SCTR: variants seen among roughly 807,000 people sequenced by gnomAD.
The protein encoded by SCTR is secretin receptor.
In SCTR, 56 loss-of-function variants were observed where a neutral mutation model predicts 60.8. The ratio of observed to expected loss-of-function variants is 0.92; its 90% CI spans 0.74 to 1.15. The LOEUF is 1.15. Ranked by LOEUF, SCTR falls within the 50% of genes most tolerant of loss-of-function variation. SCTR has a pLI of 0.00. For synonymous variants in SCTR, 202 were observed against 217.0 expected (o/e 0.93, Z 0.61); for missense variants, 562 against 550.4 (o/e 1.02, Z -0.21).
intron 6 of SCTR, among the ~76,000 whole-genome samples, 183 bp from the exon 7 acceptor site, chr2:119,462,183 T>C (rs1683638880): frequency 2.6e-5 from 4 of 151,912 alleles, no homozygotes; most frequent in Admixed American, 2.6e-4. Context: ...CTCTAGAGAG[T>C]AGGAGTCCAC....
intron 3 of SCTR, among the ~76,000 whole-genome samples, chr2:119,475,478 A>G (rs1309369868): frequency 6.6e-6 from 1 of 151,528 alleles, no homozygotes; most frequent in Non-Finnish European, 1.5e-5. Flanking sequence ...CCTGCCTTCC[A>G]CTCTGTAGAG....
chr2:119,483,407 G>T (rs1677719993), intron 2 of SCTR, among the ~76,000 whole-genome samples: 1 of 152,164 alleles, frequency 6.6e-6, no homozygotes, highest in African/African-American at 2.4e-5. Context: ...CCCAGCCTGG[G>T]ACAGGCTGCC....
At chr2:119,455,590 G>A (rs971280671) in intron 7 of SCTR, among the ~76,000 whole-genome samples, 1 of 152,158 alleles carries the variant, frequency 6.6e-6, no homozygotes, top group South Asian at 2.1e-4. Flanking sequence ...CAAGAAAGGG[G>A]GCTTAGGAAC....
rs147763494 is a variant in SCTR at position 119,510,774 on chromosome 2, T to C, written c.72+13381A>G. Among the ~76,000 whole-genome samples, 1,114 of 151,822 alleles carry C rather than the reference T, an allele frequency of 7.3e-3. 11 individuals carry two copies. Among genetic ancestry groups the C allele is most frequent in the Middle Eastern group, 0.034 (10 of 294 alleles). On this transcript the variant is annotated intron_variant, in intron 1 of 12. Coordinates refer to ENST00000019103, the MANE Select transcript of SCTR (RefSeq NM_002980.3). ...GTATAACCACACTGAGCCTTTTTTT[T>C]AAATTTGTACTAGTACCAAAGAGTA...
chr2:119,517,045 C>CCACACACA (rs58865201), intron 1 of SCTR, among the ~76,000 whole-genome samples: 4 of 151,342 alleles, frequency 2.6e-5, no homozygotes, highest in African/African-American at 9.7e-5. Flanking sequence ...GGTGCTCTTA[C>CCACACACA]CACACACACA....
intron 1 of SCTR, among the ~76,000 whole-genome samples, chr2:119,504,344 G>A (rs1678659432): frequency 6.6e-6 from 1 of 152,196 alleles, no homozygotes; most frequent in Non-Finnish European, 1.5e-5. Context: ...TGTAATCTCA[G>A]CACTTTGGGA....
chr2:119,450,952 G>A (rs1262004636), intron 9 of SCTR, among the ~76,000 whole-genome samples: 1 of 152,250 alleles, frequency 6.6e-6, no homozygotes, highest in East Asian at 1.9e-4. Flanking sequence ...GACAGAGTGA[G>A]ACCCTGTCTC....
intron 9 of SCTR, among the ~76,000 whole-genome samples, chr2:119,451,257 A>G (rs1251609103): frequency 6.6e-6 from 1 of 152,110 alleles, no homozygotes; most frequent in Non-Finnish European, 1.5e-5. Flanking sequence ...CATCCATGAG[A>G]TGATTCCTGT....
rs368345483 is a variant in SCTR, at chr2:119,516,750, G to A, written c.72+7405C>T. 1.3e-4 allele frequency among the ~76,000 whole-genome samples: 20 copies of A among 152,164 alleles called. No individual in the cohort carries two copies. The East Asian group carries it at 2.7e-3, about 21-fold the overall frequency. On this transcript the variant is annotated intron_variant, in intron 1 of 12. Transcript: ENST00000019103. ...TGAGGTGGGCTGATCACCTGAGGTC[G>A]GAAGTTCAAGACCAGCCTGGCCAAC...
chr2:119,523,631 G>A (rs952540566), intron 1 of SCTR, among the ~76,000 whole-genome samples: 2 of 151,940 alleles, frequency 1.3e-5, no homozygotes, highest in African/African-American at 4.8e-5. Flanking sequence ...GCCCGTGAGT[G>A]TGAAAATGTC....
chr2:119,502,132 C>A (rs76320231), intron 1 of SCTR, among the ~76,000 whole-genome samples: 2 of 151,928 alleles, frequency 1.3e-5, no homozygotes, highest in African/African-American at 2.4e-5. Flanking sequence ...GTCATGAGCC[C>A]GTAGTCCCAG....
chr2:119,495,092 A>G (rs867087994), intron 1 of SCTR, among the ~76,000 whole-genome samples: 30 of 151,036 alleles, frequency 2.0e-4, no homozygotes, highest in South Asian at 6.3e-4. Context: ...GGCATGTGCC[A>G]CCATGCCTGG....
chr2:119,483,087 C>T (rs1166811384), intron 2 of SCTR, among the ~76,000 whole-genome samples: 2 of 152,244 alleles, frequency 1.3e-5, no homozygotes, highest in African/African-American at 4.8e-5. Flanking sequence ...AGGCTCCAGG[C>T]CATGAGGCTG....
chr2:119,444,488 TAC>T lies in SCTR; in HGVS notation c.1140+2269_1140+2270del, dbSNP rs1242729440. Reference sequence around the variant, plus strand: ...ACACATATATACGTACGTATATATATACACATATATACGTACGTATATATATA... The same window carrying T: ...ACACATATATACGTACGTATATATATACATATATACGTACGTATATATATA... On this transcript the variant is annotated intron_variant, in intron 11 of 12. Transcript: ENST00000019103. Among the ~76,000 whole-genome samples, 39 of 97,414 alleles carry T rather than the reference TAC, an allele frequency of 4.0e-4. 2 individuals carry two copies. Among genetic ancestry groups the T allele is most frequent in the African/African-American group, 2.1e-3 (37 of 17,716 alleles). The allele number at this position is 97,414 out of a possible 152,430, so 63.9% of individuals were successfully genotyped here.
At position 119,462,002 on chromosome 2, in the gene SCTR, T is replaced by C; in HGVS notation, c.637-2A>G. ...CACCATGACCAGCTTGCAGCCCGCC[T>C]GGAGAGAGAGAGGCAGCTGAACCCA... On this transcript the variant is annotated splice_acceptor_variant, in intron 6 of 12. Transcript: ENST00000019103. LOFTEE classifies it high-confidence loss of function. 6.3e-7 allele frequency: 1 copy of C among 1,597,536 alleles called. No homozygotes were observed. The highest frequency in any genetic ancestry group is 2.3e-5 in the East Asian group (1 of 43,920).
chr2:119,523,072 C>G (rs1050456570), intron 1 of SCTR, among the ~76,000 whole-genome samples: 3 of 152,122 alleles, frequency 2.0e-5, no homozygotes, highest in Non-Finnish European at 2.9e-5. Context: ...ATAATCAAAC[C>G]AGAGGAGACT....
chr2:119,485,065 G>T (rs1677806720), intron 2 of SCTR, among the ~76,000 whole-genome samples: 1 of 152,174 alleles, frequency 6.6e-6, no homozygotes, highest in Non-Finnish European at 1.5e-5. Context: ...GATAGACAGG[G>T]CTCTGCCAGT....
At chr2:119,453,208 C>T in intron 8 of SCTR, 79 bp downstream of exon 8, 2 of 1,124,934 alleles carry the variant, frequency 1.8e-6, no homozygotes, top group South Asian at 2.5e-5. Flanking sequence ...TCCTAGATAG[C>T]TCCAAAGAAG....
In SCTR at chr2:119,461,930, T is replaced by G; in HGVS notation, c.707A>C (p.Glu236Ala). ...GAGGAGTGTGTGAAGGTAGAGGCCT[T>G]CCACCAGCAGCCAGGAGTAGTTGGC... ...IMANYSWLLV[E>A]GLYLHTLLAI... Residue 236 changes from glutamate to alanine, a missense_variant, in exon 7 of 13, where the codon GAA becomes GCA. Transcript: ENST00000019103. 1 of 1,613,938 alleles carries G rather than the reference T, an allele frequency of 6.2e-7. No homozygotes were observed. Among genetic ancestry groups the G allele is most frequent in the Non-Finnish European group, 8.5e-7 (1 of 1,179,942 alleles).
Sources: allele counts gnomAD v4.1 joint callset (sites outside exome capture counted in the v4.1 genomes callset), GRCh38; gene constraint gnomAD v4.1.1; transcripts MANE v1.5; gene names NCBI Gene and HGNC (gene_info 2026-07-23, HGNC 2026-07-21).